TLE4: variants seen among roughly 807,000 people sequenced by gnomAD.
TLE4 encodes the protein transducin-like enhancer protein 4.
A neutral mutation model predicts 92.8 loss-of-function variants in TLE4; 8 were observed. The ratio of observed to expected loss-of-function variants is 0.09; its 90% CI spans 0.05 to 0.16. TLE4 has a LOEUF of 0.16. TLE4 is among the 10% of genes least tolerant of loss of function. The pLI, the probability that TLE4 is intolerant of heterozygous loss-of-function variation, is 1.00. For synonymous variants in TLE4, 371 were observed against 374.1 expected (o/e 0.99, Z 0.10); for missense variants, 675 against 997.6 (o/e 0.68, Z 4.36).
chr9:79,720,190 G>A lies in TLE4; in HGVS notation c.1735G>A (p.Ala579Thr). ...IKAELTSSAP[A>T]CYALAISPDS... is the part of the protein sequence containing the mutation. ...GGCAGAGCTGACATCCTCGGCCCCCGCCTGCTATGCCCTGGCCATCAGCCC... is the reference window on the plus strand; with the variant it reads ...GGCAGAGCTGACATCCTCGGCCCCCACCTGCTATGCCCTGGCCATCAGCCC... Residue 579 changes from alanine to threonine, a missense_variant, in exon 16 of 20, where the codon GCC becomes ACC. Physicochemically the swap from Ala to Thr is moderately conservative, Grantham distance 58. Coordinates refer to ENST00000376552, the MANE Select transcript of TLE4 (RefSeq NM_007005.6). The A allele has an allele frequency of 6.2e-7, 1 of 1,614,164 alleles. No individual in the cohort carries two copies.
In TLE4 at chr9:79,725,456, A is replaced by G; in HGVS notation, c.*312A>G. Reference sequence around the variant, plus strand: ...TTATTTTGTTTAAAGAAGGCTTTCTAACAATGACTGACTAAATAAAGCTGT... The same window carrying G: ...TTATTTTGTTTAAAGAAGGCTTTCTGACAATGACTGACTAAATAAAGCTGT... On this transcript the variant is annotated 3_prime_UTR_variant, in exon 20 of 20. Transcript: ENST00000376552. 1 of 184,260 alleles carries G rather than the reference A, an allele frequency of 5.4e-6. No homozygotes were observed. The highest frequency in any genetic ancestry group is 1.1e-4 in the South Asian group (1 of 8,908). 11.4% of individuals were successfully genotyped at this position (184,260 alleles called of 1,614,324 possible).
rs746176575 is a variant in TLE4 at position 79,582,034 on chromosome 9, G to A, written c.252+5857G>A. Among the ~76,000 whole-genome samples, 8 of 152,136 alleles carry A rather than the reference G, an allele frequency of 5.3e-5. No individual in the cohort carries two copies. The East Asian group carries it at 1.2e-3, about 22-fold the overall frequency. The stretch of plus-strand genomic sequence containing the variant: ...CTATTTCTCATTTGTTTACAAACTT[G>A]TTCTTCTCTTTAACTTTTATCTTTT... On this transcript the variant is annotated intron_variant, in intron 4 of 19. Coordinates refer to ENST00000376552, the MANE Select transcript of TLE4 (RefSeq NM_007005.6).
intron 4 of TLE4, among the ~76,000 whole-genome samples, chr9:79,592,218 C>T (rs2042809990): frequency 8.0e-6 from 1 of 125,418 alleles, no homozygotes; most frequent in African/African-American, 3.7e-5. Flanking sequence ...TCTTCTTCCT[C>T]TTCTTCTTCT....
intron 6 of TLE4, among the ~76,000 whole-genome samples, chr9:79,645,208 T>C (rs1163855028): frequency 6.6e-6 from 1 of 152,092 alleles, no homozygotes; most frequent in African/African-American, 2.4e-5. Context: ...GCACAAGATA[T>C]AGCAGGTTCA....
intron 4 of TLE4, among the ~76,000 whole-genome samples, chr9:79,610,565 G>C (rs946827228): frequency 1.3e-5 from 2 of 151,884 alleles, no homozygotes; most frequent in African/African-American, 4.8e-5. Flanking sequence ...CTGCCAATTA[G>C]CCTGACCATG....
At chr9:79,576,875 A>G (rs1034400557) in intron 4 of TLE4, 1 of 151,976 alleles carries the variant, frequency 6.6e-6, no homozygotes, top group Non-Finnish European at 1.5e-5. Context: ...CTTTTTGTGC[A>G]GGAGACTGAA....
Position 79,716,758 on chromosome 9 carries a change from T to C in TLE4, c.1341-1964T>C, listed in dbSNP as rs76223659. Among the ~76,000 whole-genome samples the C allele has an allele frequency of 9.8e-3, 1,494 of 152,334 alleles. 33 individuals are homozygous for C. Among genetic ancestry groups the C allele is most frequent in the African/African-American group, 0.034 (1,402 of 41,574 alleles). On this transcript the variant is annotated intron_variant, in intron 14 of 19. Transcript: ENST00000376552. ...ACTCTGTTAAATTCCTAGACTACCA[T>C]GCATTGTTCACTGCACTGACCATCT...
In TLE4 at chr9:79,654,918, C is replaced by T. The variant is rs993208056; in HGVS notation, c.609+843C>T. 2.0e-5 allele frequency among the ~76,000 whole-genome samples: 3 copies of T among 152,044 alleles called. No individual in the cohort carries two copies. The East Asian group carries it at 5.8e-4, about 29-fold the overall frequency. On this transcript the variant is annotated intron_variant, in intron 8 of 19. Coordinates refer to ENST00000376552, the MANE Select transcript of TLE4 (RefSeq NM_007005.6). ...CAGCATATTGGGAGGCCGAGGTGGGCGGATCGTGAGGTCAAGAGATCGAGA... is the reference window on the plus strand; with the variant it reads ...CAGCATATTGGGAGGCCGAGGTGGGTGGATCGTGAGGTCAAGAGATCGAGA...
At chr9:79,669,453 G>A (rs896350764) in intron 8 of TLE4, among the ~76,000 whole-genome samples, 6 of 152,200 alleles carry the variant, frequency 3.9e-5, no homozygotes, top group African/African-American at 9.6e-5. Flanking sequence ...GGAAGAGTGC[G>A]TTTCAGTGAT....
At chr9:79,653,501 G>C (rs561271167) in intron 7 of TLE4, among the ~76,000 whole-genome samples, 1 of 152,112 alleles carries the variant, frequency 6.6e-6, no homozygotes, top group Non-Finnish European at 1.5e-5. Flanking sequence ...TTTCTTTGGT[G>C]CTTACTGATA....
chr9:79,652,236 G>T (rs2059135723), intron 6 of TLE4, among the ~76,000 whole-genome samples: 1 of 151,876 alleles, frequency 6.6e-6, no homozygotes, highest in South Asian at 2.1e-4. Flanking sequence ...GCCCAGGCTG[G>T]AGTGCAGTGG....
Position 79,574,916 on chromosome 9 carries a change from A to G in TLE4, c.187A>G (p.Met63Val). 1 of 1,613,612 alleles carries G rather than the reference A, an allele frequency of 6.2e-7. No individual in the cohort carries two copies. Among genetic ancestry groups the G allele is most frequent in the Non-Finnish European group, 8.5e-7 (1 of 1,179,660 alleles). Residue 63 changes from methionine to valine, a missense_variant, in exon 3 of 20, where the codon ATG (methionine) becomes GTG (valine). Physicochemically the swap from Met to Val is conservative, Grantham distance 21. Around this residue, in one of 5 missense-constraint regions of TLE4, gnomAD observed 68 missense variants for 141.2 expected, o/e 0.48. Transcript: ENST00000376552. The part of the protein sequence containing the change: ...CEKLASEKTE[M>V]QRHYVMYYEM... Reference sequence around the variant, plus strand: ...GAAACTCGCCAGTGAGAAGACAGAGATGCAGCGGCATTATGTCATGGTAAG... The same window carrying G: ...GAAACTCGCCAGTGAGAAGACAGAGGTGCAGCGGCATTATGTCATGGTAAG...
intron 8 of TLE4, among the ~76,000 whole-genome samples, chr9:79,676,053 G>A (rs2063202039): frequency 6.6e-6 from 1 of 152,056 alleles, no homozygotes; most frequent in South Asian, 2.1e-4. Flanking sequence ...TAGATAACAG[G>A]CATCACACAA....
rs1346574444 is a variant in TLE4, at chr9:79,572,718, G to A, written c.-73G>A. On this transcript the variant is annotated 5_prime_UTR_variant, in exon 1 of 20. Coordinates refer to ENST00000376552, the MANE Select transcript of TLE4 (RefSeq NM_007005.6). ...GCCGGCCGCCTCCGCTGCCGCGGCC[G>A]CCTCCTCTTCGGGGTCATTAAAGCC... 9.2e-6 allele frequency: 14 copies of A among 1,515,694 alleles called. No individual in the cohort carries two copies. The highest frequency in any genetic ancestry group is 7.8e-5 in the East Asian group (3 of 38,238). The allele number at this position is 1,515,694 out of a possible 1,614,324, so 93.9% of individuals were successfully genotyped here. A position where few individuals can be genotyped will look rare whatever the true frequency, so the allele number is the denominator to read the frequency against.
chr9:79,720,371 GGTATGGGTGTGTGTGT>G (rs1427435176), intron 16 of TLE4, 78 bp downstream of exon 16: 3 of 1,169,148 alleles, frequency 2.6e-6, no homozygotes, highest in Non-Finnish European at 2.3e-6. Context: ...TGTGTATATA[GGTATGGGTGTGTGTGT>G]GTGTGTGTGT....
At chr9:79,689,461 A>G (rs2066589980) in intron 8 of TLE4, among the ~76,000 whole-genome samples, 1 of 152,174 alleles carries the variant, frequency 6.6e-6, no homozygotes, top group South Asian at 2.1e-4. Flanking sequence ...AGGATGGGCA[A>G]TTATCTCATA....
intron 8 of TLE4, among the ~76,000 whole-genome samples, chr9:79,666,889 G>C (rs1564765965): frequency 6.6e-6 from 1 of 152,194 alleles, no homozygotes. Context: ...AGTCCAAATG[G>C]AGGCCCTCAT....
chr9:79,725,464 C>T lies in TLE4; in HGVS notation c.*320C>T, dbSNP rs1356589536. 1.1e-5 allele frequency: 2 copies of T among 182,932 alleles called. No homozygotes were observed. The highest frequency in any genetic ancestry group is 2.3e-5 in the Non-Finnish European group (2 of 86,772). 11.3% of individuals were successfully genotyped at this position (182,932 alleles called of 1,614,324 possible). A position where few individuals can be genotyped will look rare whatever the true frequency, so the allele number is the denominator to read the frequency against. On this transcript the variant is annotated 3_prime_UTR_variant, in exon 20 of 20. Coordinates refer to ENST00000376552, the MANE Select transcript of TLE4 (RefSeq NM_007005.6). Reference sequence around the variant, plus strand: ...TTTAAAGAAGGCTTTCTAACAATGACTGACTAAATAAAGCTGTCTGCTCCT... The same window carrying T: ...TTTAAAGAAGGCTTTCTAACAATGATTGACTAAATAAAGCTGTCTGCTCCT...
chr9:79,608,201 A>G (rs1056627063), intron 4 of TLE4, among the ~76,000 whole-genome samples: 2 of 152,212 alleles, frequency 1.3e-5, no homozygotes, highest in East Asian at 1.9e-4. Context: ...TGGAGTTGTC[A>G]GTTTAGAGAA....
Sources: gnomAD v4.1 joint callset for allele counts (sites outside exome capture counted in the v4.1 genomes callset) on GRCh38, gnomAD v4.1.1 for gene constraint, gnomAD v4.1.1 regional missense constraint, MANE v1.5 for transcripts, NCBI Gene and HGNC (gene_info 2026-07-23, HGNC 2026-07-21) for gene names.